Variants in PTPRT observed in about 807,000 individuals in gnomAD.
PTPRT encodes the protein receptor-type tyrosine-protein phosphatase T.
Under a neutral mutation model 176.8 loss-of-function variants are expected in PTPRT, and 56 were observed. The observed-to-expected ratio is 0.32, with a 90% confidence interval of 0.26 to 0.40. The LOEUF is 0.40. PTPRT is among the 10% of genes least tolerant of loss of function. The pLI is 1.00. For synonymous variants in PTPRT, 783 were observed against 739.0 expected (o/e 1.06, Z -0.96); for missense variants, 1,540 against 1,908.2 (o/e 0.81, Z 3.60).
chr20:42,781,674 C>A (rs530841416), intron 3 of PTPRT, among the ~76,000 whole-genome samples: 1 of 152,126 alleles, frequency 6.6e-6, no homozygotes, highest in Non-Finnish European at 1.5e-5. Flanking sequence ...AAATTCTCAG[C>A]AGTTTTATCT....
intron 7 of PTPRT, among the ~76,000 whole-genome samples, chr20:42,498,552 A>G (rs1437458800): frequency 2.0e-5 from 3 of 152,148 alleles, no homozygotes; most frequent in South Asian, 2.1e-4. Context: ...CTGAAAAGCT[A>G]TCTCTTGCGG....
In PTPRT at chr20:42,854,137, T is replaced by C. The variant is rs148946065; in HGVS notation, c.214+31670A>G. Among the ~76,000 whole-genome samples the C allele has an allele frequency of 3.6e-3, 548 of 152,350 alleles. 3 individuals are homozygous for C. Among genetic ancestry groups the C allele is most frequent in the African/African-American group, 0.013 (520 of 41,588 alleles). On this transcript the variant is annotated intron_variant, in intron 2 of 30. Coordinates refer to ENST00000373187, the MANE Select transcript of PTPRT (RefSeq NM_007050.6). ...GATCTCCTTATACCCAGAGTGTTTC[T>C]GTCTGGAGAGTAGGATGTAATGGTG...
chr20:42,552,475 T>C (rs2072786954), intron 7 of PTPRT, among the ~76,000 whole-genome samples: 2 of 152,242 alleles, frequency 1.3e-5, no homozygotes, highest in South Asian at 4.1e-4. Flanking sequence ...CTAGATGAAA[T>C]AAAGCTCTCA....
chr20:42,311,124 A>G (rs958211206), intron 12 of PTPRT, among the ~76,000 whole-genome samples: 2 of 152,084 alleles, frequency 1.3e-5, no homozygotes, highest in African/African-American at 4.8e-5. Flanking sequence ...ACATTATTTC[A>G]CTTATTTATT....
At chr20:42,401,164 T>TAAATAAATAAAC (rs1555842209) in intron 9 of PTPRT, among the ~76,000 whole-genome samples, 9 of 143,212 alleles carry the variant, frequency 6.3e-5, no homozygotes, top group African/African-American at 2.1e-4. Flanking sequence ...AATAAATAAA[T>TAAATAAATAAAC]AAACAAACCT....
At chr20:42,324,950 G>A (rs773785140) in intron 11 of PTPRT, among the ~76,000 whole-genome samples, 11 of 152,178 alleles carry the variant, frequency 7.2e-5, no homozygotes, top group Non-Finnish European at 5.9e-5. Context: ...CTAGTTCGGC[G>A]ACCTATTGTC....
At position 42,327,755 on chromosome 20, in the gene PTPRT, T is replaced by C. The variant is rs186438856; in HGVS notation, c.1866-11759A>G. Among the ~76,000 whole-genome samples, 62 of 152,164 alleles carry C rather than the reference T, an allele frequency of 4.1e-4. 1 individual carries two copies. Among genetic ancestry groups the C allele is most frequent in the Non-Finnish European group, 7.2e-4 (49 of 67,936 alleles). On this transcript the variant is annotated intron_variant, in intron 11 of 30. Coordinates refer to ENST00000373187, the MANE Select transcript of PTPRT (RefSeq NM_007050.6). ...GTGGAAAAGAATTGTTTAAGCTTAATAATAGAACAATTTACAAAAGACAAA... is the reference window on the plus strand; with the variant it reads ...GTGGAAAAGAATTGTTTAAGCTTAACAATAGAACAATTTACAAAAGACAAA...
intron 9 of PTPRT, among the ~76,000 whole-genome samples, chr20:42,441,696 C>T (rs1337479081): frequency 8.5e-5 from 13 of 152,186 alleles, no homozygotes; most frequent in Non-Finnish European, 1.0e-4. Flanking sequence ...GCGGCCTGAC[C>T]TGTGTCTATT....
At chr20:42,517,232 GA>G (rs576275599) in intron 7 of PTPRT, among the ~76,000 whole-genome samples, 53 of 151,672 alleles carry the variant, frequency 3.5e-4, no homozygotes, top group African/African-American at 1.3e-3. Flanking sequence ...GGACTGCTCA[GA>G]TTTTTTTTTC....
intron 11 of PTPRT, among the ~76,000 whole-genome samples, chr20:42,336,708 A>C (rs1016080097): frequency 2.9e-5 from 4 of 136,318 alleles, no homozygotes; most frequent in Non-Finnish European, 5.9e-5. Context: ...TATTTATAAC[A>C]AAAAAAACTG....
chr20:43,185,807 T>G (rs2015375432), intron 1 of PTPRT, among the ~76,000 whole-genome samples: 1 of 151,836 alleles, frequency 6.6e-6, no homozygotes, highest in South Asian at 2.1e-4. Flanking sequence ...TGGCACACAC[T>G]CATAATCCCA....
the PTPRT span, among the ~76,000 whole-genome samples, chr20:42,050,529 G>A: frequency 6.6e-6 from 1 of 152,142 alleles, no homozygotes; most frequent in African/African-American, 2.4e-5. Context: ...GTGTCGGGCT[G>A]TCTCCCACAA....
intron 6 of PTPRT, among the ~76,000 whole-genome samples, chr20:42,704,927 C>T (rs542223337): frequency 1.3e-5 from 2 of 152,188 alleles, no homozygotes; most frequent in East Asian, 1.9e-4. Context: ...AACATGCGGC[C>T]GGGCGTGGTG....
At chr20:42,557,875 C>T (rs915897470) in intron 7 of PTPRT, among the ~76,000 whole-genome samples, 1 of 152,188 alleles carries the variant, frequency 6.6e-6, no homozygotes, top group East Asian at 1.9e-4. Flanking sequence ...ACCCAGGAGA[C>T]CTTTCCCATG....
At chr20:42,180,096 G>C (rs1251756592) in intron 16 of PTPRT, among the ~76,000 whole-genome samples, 1 of 152,222 alleles carries the variant, frequency 6.6e-6, no homozygotes, top group Non-Finnish European at 1.5e-5. Context: ...GGCTAGGCTA[G>C]TGGTGAGACT....
intron 1 of PTPRT, among the ~76,000 whole-genome samples, chr20:43,113,715 G>T (rs1381603722): frequency 6.6e-6 from 1 of 152,204 alleles, no homozygotes; most frequent in African/African-American, 2.4e-5. Context: ...CCAGTGGAAA[G>T]ATCAAAGGCT....
At chr20:42,555,532 G>C (rs2072845846) in intron 7 of PTPRT, among the ~76,000 whole-genome samples, 1 of 152,172 alleles carries the variant, frequency 6.6e-6, no homozygotes, top group African/African-American at 2.4e-5. Flanking sequence ...CAGGGAAGTT[G>C]TGCTAGGATG....
At chr20:42,562,308 T>C (rs900490106) in intron 7 of PTPRT, among the ~76,000 whole-genome samples, 9 of 152,318 alleles carry the variant, frequency 5.9e-5, no homozygotes, top group Non-Finnish European at 7.4e-5. Flanking sequence ...TTCATCAACA[T>C]GAGTAGTTTT....
chr20:42,033,992 T>G, the PTPRT span, among the ~76,000 whole-genome samples: 1 of 152,152 alleles, frequency 6.6e-6, no homozygotes, highest in African/African-American at 2.4e-5. Context: ...CTACATGTTA[T>G]TAATTAATAT....
Sources: allele counts gnomAD v4.1 joint callset (sites outside exome capture counted in the v4.1 genomes callset), GRCh38; gene constraint gnomAD v4.1.1; transcripts MANE v1.5; gene names NCBI Gene and HGNC (gene_info 2026-07-23, HGNC 2026-07-21).